AHDC1: variants seen among roughly 807,000 people sequenced by gnomAD.
AHDC1 encodes the protein AT-hook DNA binding motif containing 1.
AHDC1 carries 7 observed loss-of-function variants against 87.9 expected under a neutral mutation model. The observed-to-expected ratio is 0.08, with a 90% CI of 0.05 to 0.15. The LOEUF (loss-of-function observed/expected upper bound fraction) is 0.15. Among genes scored for constraint, AHDC1 ranks in the 10% least tolerant of loss-of-function variants. The pLI, the probability that AHDC1 is intolerant of heterozygous loss-of-function variation, is 1.00. For synonymous variants in AHDC1, 1,051 were observed against 1,006.8 expected, an observed-to-expected ratio of 1.04 and a Z score of -0.83; for missense variants, 1,841 against 2,253.2, an observed-to-expected ratio of 0.82 and a Z score of 3.70.
chr1:27,540,468 G>A (rs904108835), intron 8 of AHDC1, among the ~76,000 whole-genome samples: 3 of 151,982 alleles, frequency 2.0e-5, no homozygotes, highest in Non-Finnish European at 2.9e-5. Flanking sequence ...AGGGGAGGAC[G>A]GTGCCCAGAG....
At chr1:27,538,408 A>AAAAAAAAAAACAAACAAAC (rs1343913108) in intron 8 of AHDC1, among the ~76,000 whole-genome samples, 7 of 151,010 alleles carry the variant, frequency 4.6e-5, no homozygotes, top group African/African-American at 1.7e-4. Context: ...CTCAAAAAAA[A>AAAAAAAAAAACAAACAAAC]AAAAAAAAAA....
intron 3 of AHDC1, among the ~76,000 whole-genome samples, chr1:27,589,537 G>A (rs2089163962): frequency 1.3e-5 from 2 of 152,158 alleles, no homozygotes; most frequent in African/African-American, 4.8e-5. Context: ...TGCGGCCTTG[G>A]TGTGAGTGAG....
intron 3 of AHDC1, among the ~76,000 whole-genome samples, chr1:27,575,348 T>G (rs535890272): frequency 5.9e-4 from 89 of 151,862 alleles, no homozygotes; most frequent in Middle Eastern, 3.4e-3. Context: ...CTGGCCCTTC[T>G]CCGCCGCGCA....
In AHDC1 at chr1:27,590,876, C is replaced by A. The variant is rs1336433579; in HGVS notation, c.-629+12521G>T. ...TCAGCTGGAGGGAGTGGGGAACAGG[C>A]AGGTGGGCTCCCTCAACCCCCAGCA... On this transcript the variant is annotated intron_variant, in intron 3 of 8. Transcript: ENST00000673934. This position sits in a 1 kb window ranked among gnomAD's most constrained non-coding sequence, Gnocchi z 5.4. Among the ~76,000 whole-genome samples the A allele has an allele frequency of 6.6e-6, 1 of 152,184 alleles. No homozygotes were observed. The highest frequency in any genetic ancestry group is 1.5e-5 in the Non-Finnish European group (1 of 68,016).
rs567822339 is a variant in AHDC1, at chr1:27,550,442, G to T, written c.1674C>A (p.Pro558=). 1.2e-6 allele frequency: 2 copies of T among 1,608,838 alleles called. No individual in the cohort carries two copies. Among genetic ancestry groups the T allele is most frequent in the African/African-American group, 2.7e-5 (2 of 74,890 alleles). ...GRPPKNLLLG[P]GKPKEPAVVA... is the part of the protein sequence containing the mutation. ...CCACAGCTGGCTCCTTGGGCTTGCC[G>T]GGACCCAGCAGCAGGTTCTTAGGAG... The change falls in exon 8 of 9, where the codon CCC becomes CCA. Residue 558 remains proline (P), a synonymous_variant. Coordinates refer to ENST00000673934, the MANE Select transcript of AHDC1 (RefSeq NM_001371928.1).
Position 27,552,024 on chromosome 1 carries a change from C to T in AHDC1, c.92G>A (p.Gly31Asp), listed in dbSNP as rs1571246956. The change falls in exon 8 of 9, where the codon GGC becomes GAC. Residue 31 changes from glycine (G) to aspartate (D), a missense_variant. By Grantham distance (94) the Gly-to-Asp change is moderately conservative. Around this residue, in one of 13 missense-constraint regions of AHDC1, gnomAD observed 142 missense variants for 165.6 expected, o/e 0.86. Coordinates refer to ENST00000673934, the MANE Select transcript of AHDC1 (RefSeq NM_001371928.1). ...AAGCAGGGGCCGGGGGGTGGGGGGG[C>T]CGCCGGGGTAGTACTTGGGTTCCCG... is the stretch of plus-strand genomic sequence containing the variant. ...YLREPKYYPG[G>D]PPTPRPLLPT... 10 of 1,463,650 alleles carry T rather than the reference C, an allele frequency of 6.8e-6. No individual in the cohort carries two copies. In the East Asian group the frequency reaches 2.0e-4, roughly 30 times the overall value. The allele number at this position is 1,463,650 out of a possible 1,614,324, so 90.7% of individuals were successfully genotyped here.
At chr1:27,555,093 G>A (rs1332771367) in intron 5 of AHDC1, among the ~76,000 whole-genome samples, 7 of 152,204 alleles carry the variant, frequency 4.6e-5, no homozygotes, top group African/African-American at 1.7e-4. Flanking sequence ...TTCTAGCGCC[G>A]TGGTCTAATT....
At chr1:27,553,534 G>A (rs1026248500) in intron 5 of AHDC1, 3 of 152,140 alleles carry the variant, frequency 2.0e-5, no homozygotes, top group African/African-American at 7.2e-5. Flanking sequence ...AACAATAAAA[G>A]CCCATAGTTT....
At position 27,548,347 on chromosome 1, in the gene AHDC1, C is replaced by T; in HGVS notation, c.3769G>A (p.Ala1257Thr). ...LGFPTSASAAASGYPSKRSTG... is the reference protein window; with the variant it reads ...LGFPTSASAATSGYPSKRSTG... The stretch of plus-strand genomic sequence containing the variant: ...CTCCGTTTGGATGGGTAGCCTGAGG[C>T]AGCGGCAGAGGCGGATGTCGGGAAG... The change falls in exon 8 of 9, where the codon GCC (alanine) becomes ACC (threonine). Residue 1257 changes from alanine to threonine, a missense_variant. Coordinates refer to ENST00000673934, the MANE Select transcript of AHDC1 (RefSeq NM_001371928.1). 6.2e-7 allele frequency: 1 copy of T among 1,606,376 alleles called. No homozygotes were observed. Among genetic ancestry groups the T allele is most frequent in the South Asian group, 1.1e-5 (1 of 90,926 alleles).
rs1230019276 is a variant in AHDC1, at chr1:27,552,179, G to A, written c.-64C>T. On this transcript the variant is annotated 5_prime_UTR_variant, in exon 8 of 9. Coordinates refer to ENST00000673934, the MANE Select transcript of AHDC1 (RefSeq NM_001371928.1). ...GGCTGACATGAGGGTGCGAGAAGCC[G>A]GGACCAGGACCTGCCAGGCAGGAAG... 18 of 1,428,746 alleles carry A rather than the reference G, an allele frequency of 1.3e-5. No individual in the cohort carries two copies. The highest frequency in any genetic ancestry group is 1.5e-5 in the South Asian group (1 of 65,262). 88.5% of individuals were successfully genotyped at this position (1,428,746 alleles called of 1,614,324 possible).
At chr1:27,580,758 T>C (rs2088882387) in intron 3 of AHDC1, among the ~76,000 whole-genome samples, 1 of 152,260 alleles carries the variant, frequency 6.6e-6, no homozygotes, top group Admixed American at 6.5e-5. Context: ...GCTATTTTTA[T>C]TACTATTGAT....
chr1:27,586,831 G>A (rs1441146595), intron 3 of AHDC1, among the ~76,000 whole-genome samples: 2 of 152,176 alleles, frequency 1.3e-5, no homozygotes, highest in Non-Finnish European at 2.9e-5. Context: ...TAGGTCGGGG[G>A]GTTGGACACT....
chr1:27,550,932 C>G lies in AHDC1; in HGVS notation c.1184G>C (p.Arg395Pro). 6.3e-7 allele frequency: 1 copy of G among 1,598,608 alleles called. No individual in the cohort carries two copies. The highest frequency in any genetic ancestry group is 8.5e-7 in the Non-Finnish European group (1 of 1,178,174). ...GCGTCCCCGTCCGGCTTTCCGCCGGCGACACAGGATCTTTGGCCTATCAGT... is the reference window on the plus strand; with the variant it reads ...GCGTCCCCGTCCGGCTTTCCGCCGGGGACACAGGATCTTTGGCCTATCAGT... The part of the protein sequence containing the change: ...RRTDRPKILC[R>P]RRKAGRGRKA... The change falls in exon 8 of 9, where the codon CGC becomes CCC. Residue 395 changes from arginine (R) to proline (P), a missense_variant. Arg to Pro is a moderately radical substitution (Grantham distance 103). Around this residue, in one of 13 missense-constraint regions of AHDC1, gnomAD observed 370 missense variants for 391.5 expected, o/e 0.95. Coordinates refer to ENST00000673934, the MANE Select transcript of AHDC1 (RefSeq NM_001371928.1).
Position 27,550,427 on chromosome 1 carries a change from C to T in AHDC1, c.1689G>A (p.Glu563=). The change falls in exon 8 of 9, where the codon GAG becomes GAA. Residue 563 remains glutamate, a synonymous_variant. Transcript: ENST00000673934. ...CTGCCTCGGCCGCCACCACAGCTGGCTCCTTGGGCTTGCCGGGACCCAGCA... is the reference window on the plus strand; with the variant it reads ...CTGCCTCGGCCGCCACCACAGCTGGTTCCTTGGGCTTGCCGGGACCCAGCA... ...NLLLGPGKPK[E]PAVVAAEAAT... The T allele has an allele frequency of 6.2e-7, 1 of 1,610,362 alleles. No homozygotes were observed. Among genetic ancestry groups the T allele is most frequent in the Non-Finnish European group, 8.5e-7 (1 of 1,177,342 alleles).
rs758838935 is a variant in AHDC1 at position 27,551,109 on chromosome 1, G to T, written c.1007C>A (p.Pro336His). 6 of 1,581,830 alleles carry T rather than the reference G, an allele frequency of 3.8e-6. No homozygotes were observed. The highest frequency in any genetic ancestry group is 5.2e-6 in the Non-Finnish European group (6 of 1,163,658). Residue 336 changes from proline to histidine, a missense_variant, in exon 8 of 9, where the codon CCC becomes CAC. Physicochemically the swap from Pro to His is moderately conservative, Grantham distance 77 (BLOSUM62 -2). Coordinates refer to ENST00000673934, the MANE Select transcript of AHDC1 (RefSeq NM_001371928.1). ...SQLLDPQALD[P>H]LPKLLDVPGR... ...TGGGACGTCAAGCAGCTTGGGCAGGGGGTCGAGTGCCTGGGGGTCAAGCAG... is the reference window on the plus strand; with the variant it reads ...TGGGACGTCAAGCAGCTTGGGCAGGTGGTCGAGTGCCTGGGGGTCAAGCAG...
At chr1:27,586,425 C>G (rs1423629634) in intron 3 of AHDC1, among the ~76,000 whole-genome samples, 1 of 152,164 alleles carries the variant, frequency 6.6e-6, no homozygotes, top group African/African-American at 2.4e-5. Context: ...TCACCTGGCC[C>G]AGCCTTCCAC....
At chr1:27,580,727 A>G (rs569048930) in intron 3 of AHDC1, among the ~76,000 whole-genome samples, 26 of 152,240 alleles carry the variant, frequency 1.7e-4, no homozygotes, top group Non-Finnish European at 2.9e-4. Context: ...CCTGGCACAT[A>G]ATAAGCATTT....
rs765978303 is a variant in AHDC1, at chr1:27,549,397, C to T, written c.2719G>A (p.Ala907Thr). The stretch of plus-strand genomic sequence containing the variant: ...AGGACAGGCTGAAAGGAGGGGTCCG[C>T]CCCAGCCCCGCTGCTACCCACTGCC... ...PVAVGSSGAG[A>T]DPSFQPVLSA... is the part of the protein sequence containing the mutation. Residue 907 changes from alanine (A) to threonine (T), a missense_variant, in exon 8 of 9, where the codon GCG (alanine) becomes ACG (threonine). Around this residue, in one of 13 missense-constraint regions of AHDC1, gnomAD observed 378 missense variants for 399.0 expected, o/e 0.95. Transcript: ENST00000673934. The T allele has an allele frequency of 3.1e-6, 5 of 1,612,946 alleles. No individual in the cohort carries two copies. Among genetic ancestry groups the T allele is most frequent in the Middle Eastern group, 1.7e-4 (1 of 6,060 alleles).
Position 27,558,512 on chromosome 1 carries a change from T to C in AHDC1, c.-432A>G, listed in dbSNP as rs923827991. 3.2e-5 allele frequency: 12 copies of C among 371,218 alleles called. No individual in the cohort carries two copies. The highest frequency in any genetic ancestry group is 1.7e-4 in the African/African-American group (8 of 48,110). 23.0% of individuals were successfully genotyped at this position (371,218 alleles called of 1,614,324 possible). A position where few individuals can be genotyped will look rare whatever the true frequency, so the allele number is the denominator to read the frequency against. On this transcript the variant is annotated 5_prime_UTR_variant, in exon 5 of 9. It removes an upstream start codon present in the reference 5' UTR. Transcript: ENST00000673934. The surrounding 1 kb of genome is among the most constrained non-coding windows in gnomAD (Gnocchi z 5.6). ...GGAGGTAGGACTCACTGTATATCCA[T>C]GAGCCTCAGTTCCCCTTTCTGGATA...
Sources: allele counts gnomAD v4.1 joint callset (sites outside exome capture counted in the v4.1 genomes callset), GRCh38; gene constraint gnomAD v4.1.1; regional missense constraint gnomAD v4.1.1; non-coding constraint Gnocchi (gnomAD v3.1); transcripts MANE v1.5; gene names NCBI Gene and HGNC (gene_info 2026-07-23, HGNC 2026-07-21).